The following MTHFD2L variants were observed in gnomAD, a reference collection of about 807,000 sequenced individuals.
The protein encoded by MTHFD2L is bifunctional methylenetetrahydrofolate dehydrogenase/cyclohydrolase 2, mitochondrial.
In MTHFD2L, 29 loss-of-function variants were observed where a neutral mutation model predicts 34.9. The observed-to-expected ratio is 0.83, with a 90% confidence interval of 0.62 to 1.13. MTHFD2L has a LOEUF of 1.13. Ranked by LOEUF, MTHFD2L falls within the 50% of genes most tolerant of loss-of-function variation. The pLI is 0.00. For synonymous variants in MTHFD2L, 167 were observed against 155.7 expected, an observed-to-expected ratio of 1.07 and a Z score of -0.54; for missense variants, 481 against 446.5, an observed-to-expected ratio of 1.08 and a Z score of -0.70.
chr4:74,199,272 T>C (rs916104930), intron 3 of MTHFD2L, among the ~76,000 whole-genome samples: 3 of 152,116 alleles, frequency 2.0e-5, no homozygotes, highest in Admixed American at 2.0e-4. Flanking sequence ...AGAAAAGATG[T>C]GTGTGTGTGC....
intron 7 of MTHFD2L, among the ~76,000 whole-genome samples, chr4:74,286,937 T>C (rs1748254262): frequency 6.6e-6 from 1 of 152,176 alleles, no homozygotes; most frequent in African/African-American, 2.4e-5. Context: ...AGAGAAATGA[T>C]GTGTAGGCAT....
intron 2 of MTHFD2L, among the ~76,000 whole-genome samples, chr4:74,117,038 G>T (rs1021967835): frequency 6.6e-6 from 1 of 152,232 alleles, no homozygotes; most frequent in African/African-American, 2.4e-5. Flanking sequence ...TATCCTCAGG[G>T]TAACAATATT....
chr4:74,296,560 T>G (rs1027166253), intron 7 of MTHFD2L, among the ~76,000 whole-genome samples: 2 of 152,126 alleles, frequency 1.3e-5, no homozygotes, highest in East Asian at 3.8e-4. Context: ...GTTTGCCTGG[T>G]ACTTGCCTGG....
upstream of MTHFD2L, among the ~76,000 whole-genome samples, chr4:74,154,312 T>C (rs1724114703): frequency 1.3e-5 from 2 of 152,128 alleles, no homozygotes; most frequent in Non-Finnish European, 2.9e-5. Flanking sequence ...AGTTACTCTC[T>C]TTTCCCATTT....
At chr4:74,114,676 C>G (rs1721628927) in intron 2 of MTHFD2L, 1 of 152,172 alleles carries the variant, frequency 6.6e-6, no homozygotes, top group Admixed American at 6.5e-5. Flanking sequence ...GCTAACCTCT[C>G]TCTTACCAAT....
At chr4:74,252,579 A>G (rs1195606308) in intron 6 of MTHFD2L, among the ~76,000 whole-genome samples, 1 of 152,184 alleles carries the variant, frequency 6.6e-6, no homozygotes, top group East Asian at 1.9e-4. Context: ...ATGAAAATGA[A>G]TTAATTAGAA....
In MTHFD2L at chr4:74,225,367, C is replaced by T. The variant is rs748527979; in HGVS notation, c.778C>T (p.Leu260=). 2.8e-5 allele frequency: 45 copies of T among 1,612,926 alleles called. No individual in the cohort carries two copies. The South Asian group carries it at 4.7e-4, about 17-fold the overall frequency. Reference sequence around the variant, plus strand: ...AGAGCAACTGAAGATTCATACGCAGCTGGCAGATATTATCATAGTTGCTGC... The same window carrying T: ...AGAGCAACTGAAGATTCATACGCAGTTGGCAGATATTATCATAGTTGCTGC... ...PKEQLKIHTQ[L]ADIIIVAAGI... is the part of the protein sequence containing the mutation. The change falls in exon 6 of 8, where the codon CTG becomes TTG. Residue 260 remains leucine (L), a synonymous_variant. Transcript: ENST00000325278.
At chr4:74,181,466 G>C (rs993976213) in intron 3 of MTHFD2L, among the ~76,000 whole-genome samples, 2 of 152,122 alleles carry the variant, frequency 1.3e-5, no homozygotes, top group Admixed American at 1.3e-4. Context: ...AGTAACTGGT[G>C]TGAGTTCACT....
chr4:74,284,328 G>C (rs1474788834), intron 7 of MTHFD2L, among the ~76,000 whole-genome samples: 2 of 152,114 alleles, frequency 1.3e-5, no homozygotes, highest in Non-Finnish European at 2.9e-5. Flanking sequence ...ACTTAGAAAG[G>C]AATCTGCCAG....
chr4:74,169,772 A>G (rs373306659), intron 1 of MTHFD2L, among the ~76,000 whole-genome samples: 7 of 152,350 alleles, frequency 4.6e-5, no homozygotes, highest in African/African-American at 1.7e-4. Flanking sequence ...AATTCATAAA[A>G]TATCCTTACC....
chr4:74,258,567 G>GAC (rs891921764), intron 6 of MTHFD2L, among the ~76,000 whole-genome samples: 187 of 152,172 alleles, frequency 1.2e-3, no homozygotes, highest in African/African-American at 4.3e-3. Flanking sequence ...CTAACTGCAG[G>GAC]ACTTGAGTAT....
At chr4:74,266,721 G>A (rs1041934020) in intron 6 of MTHFD2L, 1 of 317,154 alleles carries the variant, frequency 3.2e-6, no homozygotes, top group African/African-American at 2.3e-5. Context: ...AAATCTTGAA[G>A]CTAAGAAGTA....
chr4:74,157,599 A>T (rs1724388335), upstream of MTHFD2L: 1 of 453,066 alleles, frequency 2.2e-6, no homozygotes, highest in East Asian at 7.0e-5. Flanking sequence ...TAAAGTCCAG[A>T]CCTTCCTTGT....
At chr4:74,269,112 A>G (rs1449934542) in intron 6 of MTHFD2L, among the ~76,000 whole-genome samples, 1 of 152,190 alleles carries the variant, frequency 6.6e-6, no homozygotes, top group Non-Finnish European at 1.5e-5. Context: ...AAACAGAAAA[A>G]TCTTAGATAA....
At chr4:74,255,133 C>A in intron 6 of MTHFD2L, among the ~76,000 whole-genome samples, 1 of 52,386 alleles carries the variant, frequency 1.9e-5, no homozygotes, top group Admixed American at 3.1e-4. Flanking sequence ...GAGACTCCAT[C>A]TCCAAAAAAA....
At chr4:74,163,928 T>A (rs1726035178) in intron 1 of MTHFD2L, among the ~76,000 whole-genome samples, 1 of 152,188 alleles carries the variant, frequency 6.6e-6, no homozygotes, top group Non-Finnish European at 1.5e-5. Flanking sequence ...CAGGCTGGAG[T>A]GCAATAGCAC....
chr4:74,172,217 C>T (rs1445482769), intron 1 of MTHFD2L, among the ~76,000 whole-genome samples: 1 of 152,130 alleles, frequency 6.6e-6, no homozygotes, highest in Admixed American at 6.5e-5. Context: ...TTTAAAGGTG[C>T]ACCTGGAAAG....
At position 74,173,899 on chromosome 4, in the gene MTHFD2L, TGAA is replaced by T. The variant is rs757997616; in HGVS notation, c.144-603_144-601del. ...GTTTTATATATGTATGTGAAAGTTG[TGAA>T]GAAATGTACACTGTCGTTAGCATCT... On this transcript the variant is annotated intron_variant, in intron 1 of 7. Transcript: ENST00000325278. Among the ~76,000 whole-genome samples the T allele has an allele frequency of 1.1e-3, 162 of 152,316 alleles. 1 individual carries two copies. The highest frequency in any genetic ancestry group is 2.0e-3 in the Non-Finnish European group (139 of 68,036).
At chr4:74,211,109 A>G (rs1017789901) in intron 5 of MTHFD2L, among the ~76,000 whole-genome samples, 2 of 152,184 alleles carry the variant, frequency 1.3e-5, no homozygotes, top group African/African-American at 4.8e-5. Flanking sequence ...TTCTAAATAT[A>G]CAATCATGTC....
Sources: allele counts gnomAD v4.1 joint callset (sites outside exome capture counted in the v4.1 genomes callset), GRCh38; gene constraint gnomAD v4.1.1; transcripts MANE v1.5; gene names NCBI Gene and HGNC (gene_info 2026-07-23, HGNC 2026-07-21).